Variants in CSMD1 observed in about 807,000 individuals in gnomAD.
CSMD1 encodes CUB and Sushi multiple domains 1.
In CSMD1, 213 loss-of-function variants were observed where a neutral mutation model predicts 417.5. The ratio of observed to expected loss-of-function variants is 0.51; its 90% CI spans 0.46 to 0.57. CSMD1 has a LOEUF of 0.57. Among genes scored for constraint, CSMD1 ranks in the 20% least tolerant of loss-of-function variants. The pLI is 0.00. For missense variants in CSMD1, 6,923 were observed against 4,529.7 expected, an observed-to-expected ratio of 1.53 and a Z score of -15.17; for synonymous variants, 2,862 against 1,736.8, an observed-to-expected ratio of 1.65 and a Z score of -16.11.
At chr8:4,941,489 T>A (rs1807997081) in intron 1 of CSMD1, among the ~76,000 whole-genome samples, 1 of 152,204 alleles carries the variant, frequency 6.6e-6, no homozygotes, top group Non-Finnish European at 1.5e-5. Flanking sequence ...GAATTGATCT[T>A]CAGAATCAAC....
At chr8:3,332,689 G>GCACACA (rs148237234) in intron 23 of CSMD1, among the ~76,000 whole-genome samples, 11 of 152,030 alleles carry the variant, frequency 7.2e-5, no homozygotes, top group African/African-American at 2.7e-4. Flanking sequence ...GTGTGCGTGC[G>GCACACA]CACACACACA....
chr8:4,803,666 T>C (rs570990394), intron 1 of CSMD1, among the ~76,000 whole-genome samples: 13 of 152,346 alleles, frequency 8.5e-5, no homozygotes, highest in Admixed American at 8.5e-4. Flanking sequence ...AATGAAAACA[T>C]ATCAGTAAAA....
At chr8:4,070,558 C>A (rs975287760) in intron 3 of CSMD1, among the ~76,000 whole-genome samples, 3 of 152,090 alleles carry the variant, frequency 2.0e-5, no homozygotes. Context: ...GGGGTTTCAC[C>A]GTGTTAGCCA....
chr8:2,993,745 A>T (rs1806618391), intron 54 of CSMD1, among the ~76,000 whole-genome samples: 1 of 152,186 alleles, frequency 6.6e-6, no homozygotes. Context: ...TTTAGGACGT[A>T]GACTGAGTGC....
intron 3 of CSMD1, among the ~76,000 whole-genome samples, chr8:4,411,333 A>G (rs1353785078): frequency 6.6e-6 from 1 of 152,054 alleles, no homozygotes; most frequent in African/African-American, 2.4e-5. Flanking sequence ...CTGTGAGTGG[A>G]TTTCTATCAA....
intron 2 of CSMD1, among the ~76,000 whole-genome samples, chr8:4,487,982 T>G (rs888012156): frequency 6.6e-5 from 10 of 152,340 alleles, no homozygotes; most frequent in Non-Finnish European, 1.5e-4. Flanking sequence ...GTGAAAATCC[T>G]ACCCATTAAG....
intron 5 of CSMD1, among the ~76,000 whole-genome samples, chr8:3,921,562 C>T (rs1290798232): frequency 2.0e-5 from 3 of 151,994 alleles, no homozygotes; most frequent in East Asian, 3.9e-4. Context: ...ACCACTTTTG[C>T]TTCATCTATT....
intron 5 of CSMD1, among the ~76,000 whole-genome samples, chr8:3,941,318 C>G (rs1810867546): frequency 6.6e-6 from 1 of 152,100 alleles, no homozygotes; most frequent in Non-Finnish European, 1.5e-5. Flanking sequence ...TGGAAACATC[C>G]TATGCCATTT....
intron 3 of CSMD1, among the ~76,000 whole-genome samples, chr8:4,269,695 TATCA>T (rs1804451052): frequency 6.6e-6 from 1 of 152,228 alleles, no homozygotes; most frequent in South Asian, 2.1e-4. Flanking sequence ...CTTTGCAGTT[TATCA>T]ATTAACCAGC....
intron 1 of CSMD1, among the ~76,000 whole-genome samples, chr8:4,688,696 A>G (rs775217394): frequency 6.6e-6 from 1 of 152,154 alleles, no homozygotes; most frequent in Non-Finnish European, 1.5e-5. Context: ...TTCATATGAG[A>G]TTCGTGTAGC....
intron 7 of CSMD1, among the ~76,000 whole-genome samples, chr8:3,634,433 G>A (rs115358273): frequency 0.015 from 2,339 of 152,282 alleles, 69 homozygotes; most frequent in African/African-American, 0.054. Flanking sequence ...GGGGTCACAC[G>A]TCATTCCTGG....
At position 4,637,477 on chromosome 8, in the gene CSMD1, G is replaced by A. The variant is rs753799956; in HGVS notation, c.167C>T (p.Ala56Val). Residue 56 changes from alanine to valine, a missense_variant, in exon 2 of 70, where the codon GCC becomes GTC. Transcript: ENST00000635120. ...PGFPHGYPNY[A>V]NCTWIIITGE... ...CGTGATGATGATCCAGGTGCAGTTG[G>A]CATAGTTCGGATACCCGTGAGGAAA... 1.2e-6 allele frequency: 2 copies of A among 1,613,744 alleles called. No homozygotes were observed. Among genetic ancestry groups the A allele is most frequent in the Admixed American group, 1.7e-5 (1 of 60,014 alleles).
intron 26 of CSMD1, among the ~76,000 whole-genome samples, chr8:3,255,512 C>G (rs1248960706): frequency 1.3e-5 from 2 of 152,308 alleles, no homozygotes; most frequent in East Asian, 1.9e-4. Flanking sequence ...GTGGTGGGCT[C>G]CACCCAGTTC....
intron 6 of CSMD1, among the ~76,000 whole-genome samples, chr8:3,726,733 G>A (rs922725163): frequency 6.6e-6 from 1 of 152,116 alleles, no homozygotes; most frequent in Non-Finnish European, 1.5e-5. Context: ...ATACCAGAGG[G>A]AACTTGCCAG....
intron 23 of CSMD1, among the ~76,000 whole-genome samples, chr8:3,324,364 C>G (rs1270281146): frequency 6.6e-6 from 1 of 151,132 alleles, no homozygotes; most frequent in Non-Finnish European, 1.5e-5. Context: ...ATCTAATCCC[C>G]AGGGACCCAG....
chr8:4,707,886 C>CAAAAAAAAA (rs552510236), intron 1 of CSMD1, among the ~76,000 whole-genome samples: 18 of 100,840 alleles, frequency 1.8e-4, no homozygotes, highest in South Asian at 3.7e-4. Flanking sequence ...GACTTTGTTT[C>CAAAAAAAAA]AAAAAAAAAA....
intron 1 of CSMD1, among the ~76,000 whole-genome samples, chr8:4,934,540 A>G (rs1211849158): frequency 2.6e-5 from 4 of 152,176 alleles, no homozygotes; most frequent in Non-Finnish European, 5.9e-5. Flanking sequence ...TTAAGTTGCT[A>G]CTAGGAACGA....
At chr8:4,067,631 T>C (rs1309062208) in intron 3 of CSMD1, among the ~76,000 whole-genome samples, 3 of 152,204 alleles carry the variant, frequency 2.0e-5, no homozygotes, top group East Asian at 3.9e-4. Context: ...TGACCCTACA[T>C]AAACTGATTT....
intron 5 of CSMD1, among the ~76,000 whole-genome samples, chr8:3,973,439 A>T (rs56135416): frequency 0.28 from 42,207 of 152,032 alleles, 6,231 homozygotes; most frequent in East Asian, 0.39. Flanking sequence ...AATTATAAAA[A>T]TTTTTTGAAA....
Sources: gnomAD v4.1 joint callset for allele counts (sites outside exome capture counted in the v4.1 genomes callset) on GRCh38, gnomAD v4.1.1 for gene constraint, MANE v1.5 for transcripts, NCBI Gene and HGNC (gene_info 2026-07-23, HGNC 2026-07-21) for gene names.